Variants in NAA40 observed in about 807,000 individuals in gnomAD.
NAA40 encodes the protein N-alpha-acetyltransferase 40, NatD catalytic subunit.
NAA40 carries 26 observed loss-of-function variants against 36.6 expected under a neutral mutation model. That is an observed-to-expected ratio of 0.71 (90% CI 0.52 to 0.98). NAA40 has a LOEUF of 0.98. Ranked by LOEUF, NAA40 falls within the 50% of genes least tolerant of loss-of-function variation. The probability of loss-of-function intolerance (pLI) is 0.00; values close to 1 mark genes in which losing one functional copy is unlikely to be tolerated. For synonymous variants in NAA40, 129 were observed against 108.4 expected (o/e 1.19, Z -1.18); for missense variants, 237 against 306.5 (o/e 0.77, Z 1.69).
chr11:63,941,469 G>A (rs1942107737), intron 1 of NAA40, among the ~76,000 whole-genome samples: 1 of 152,196 alleles, frequency 6.6e-6, no homozygotes, highest in South Asian at 2.1e-4. Context: ...ATGGGGTAGA[G>A]ACATTGATAC....
intron 2 of NAA40, 155 bp downstream of exon 2, chr11:63,946,090 T>C: frequency 1.5e-6 from 1 of 664,698 alleles, no homozygotes; most frequent in Admixed American, 2.8e-5. Flanking sequence ...CTCATACCTG[T>C]GTGTTGGAAG....
Position 63,954,371 on chromosome 11 carries a change from C to T in NAA40, c.606C>T (p.Ser202=), listed in dbSNP as rs371989301. ...FEIDDSSPSM[S]GCCGEDCSYE... is the part of the protein sequence containing the mutation. ...TTGATGACTCTTCCCCCAGCATGTC[C>T]GGTTGCTGTGGGGAGGATTGCTCCT... Residue 202 remains serine, a synonymous_variant, in exon 8 of 8, where the codon TCC becomes TCT. Coordinates refer to ENST00000377793, the MANE Select transcript of NAA40 (RefSeq NM_024771.4). 51 of 1,607,376 alleles carry T rather than the reference C, an allele frequency of 3.2e-5. No homozygotes were observed. Among genetic ancestry groups the T allele is most frequent in the Middle Eastern group, 3.3e-4 (2 of 6,052 alleles).
In NAA40 at chr11:63,952,798, G is replaced by A; in HGVS notation, c.453G>A (p.Leu151=). 1 of 1,614,124 alleles carries A rather than the reference G, an allele frequency of 6.2e-7. No homozygotes were observed. Among genetic ancestry groups the A allele is most frequent in the Non-Finnish European group, 8.5e-7 (1 of 1,180,026 alleles). The change falls in exon 6 of 8, where the codon CTG becomes CTA. Residue 151 remains leucine (L), a synonymous_variant. Transcript: ENST00000377793. ...QLESKVRRKG[L]GKFLIQILQL... ...AAAGCAAGGTGCGGCGGAAAGGCCT[G>A]GGGAAGTTCCTCATACAGATCCTGC...
intron 2 of NAA40, chr11:63,946,585 CAG>C: frequency 2.4e-6 from 3 of 1,241,320 alleles, no homozygotes; most frequent in South Asian, 3.3e-5. Flanking sequence ...GGATGTGGCT[CAG>C]GGGCTTGATT....
intron 1 of NAA40, among the ~76,000 whole-genome samples, chr11:63,942,401 C>A (rs1218290431): frequency 6.6e-6 from 1 of 151,972 alleles, no homozygotes; most frequent in Non-Finnish European, 1.5e-5. Context: ...GTAGACATTG[C>A]GAGCCCCATT....
intron 2 of NAA40, chr11:63,946,706 T>G: frequency 3.3e-6 from 5 of 1,507,430 alleles, no homozygotes; most frequent in Non-Finnish European, 4.4e-6. Flanking sequence ...GCTAATGAGG[T>G]CTCCTCTTGC....
At chr11:63,946,784 T>A in intron 2 of NAA40, 167 bp from the exon 3 acceptor site, 1 of 1,543,012 alleles carries the variant, frequency 6.5e-7, no homozygotes. Flanking sequence ...CACATGTGAC[T>A]TCAGAGCTAG....
intron 1 of NAA40, among the ~76,000 whole-genome samples, chr11:63,939,899 A>G (rs1053569755): frequency 6.6e-6 from 1 of 152,036 alleles, no homozygotes. Context: ...CTGGAGGTGC[A>G]TTTTAGTTTA....
chr11:63,939,318 C>T (rs1942068380), intron 1 of NAA40: 2 of 1,263,256 alleles, frequency 1.6e-6, no homozygotes, highest in Non-Finnish European at 2.0e-6. Flanking sequence ...GGCCCCACCC[C>T]CTCGGCGCCC....
chr11:63,952,357 G>A (rs375827504), intron 4 of NAA40, 24 bp downstream of exon 4: 1 of 1,613,330 alleles, frequency 6.2e-7, no homozygotes, highest in Non-Finnish European at 8.5e-7. Flanking sequence ...AACCAGGGGA[G>A]CCTAGTTCCT....
chr11:63,946,364 CCACCA>C, intron 2 of NAA40: 1 of 268,236 alleles, frequency 3.7e-6, no homozygotes, highest in Non-Finnish European at 6.7e-6. Flanking sequence ...TAGGTGCCCA[CCACCA>C]CACCCGGGTA....
intron 3 of NAA40, among the ~76,000 whole-genome samples, chr11:63,950,354 G>C (rs1204894795): frequency 1.3e-5 from 2 of 150,620 alleles, no homozygotes; most frequent in Non-Finnish European, 3.0e-5. Flanking sequence ...CCTGACCTCA[G>C]GTGATCCACC....
At chr11:63,946,575 G>A in intron 2 of NAA40, 1 of 1,219,594 alleles carries the variant, frequency 8.2e-7, no homozygotes, top group Non-Finnish European at 1.0e-6. Context: ...TCATTTATAA[G>A]GATGTGGCTC....
At chr11:63,948,406 A>G (rs1008114048) in intron 3 of NAA40, among the ~76,000 whole-genome samples, 4 of 152,018 alleles carry the variant, frequency 2.6e-5, no homozygotes, top group Non-Finnish European at 1.5e-5. Context: ...CCCTGAACAA[A>G]TTACTTTTCT....
At chr11:63,949,752 T>TG (rs982772815) in intron 3 of NAA40, among the ~76,000 whole-genome samples, 2 of 149,672 alleles carry the variant, frequency 1.3e-5, no homozygotes, top group Non-Finnish European at 3.0e-5. Context: ...TGTTTTTTTT[T>TG]TTTTTTTTTT....
intron 1 of NAA40, among the ~76,000 whole-genome samples, chr11:63,940,613 C>T (rs937712649): frequency 6.6e-6 from 1 of 152,070 alleles, no homozygotes; most frequent in Admixed American, 6.6e-5. Context: ...TTGTCTGTAT[C>T]CTCAGCCTTA....
rs1942385158 is a variant in NAA40 at position 63,957,277 on chromosome 11, A to G, written c.*2798A>G. Reference sequence around the variant, plus strand: ...AAGGGAAAAAGTGATCTCTTCTTGCATTGGTTGTATTTGTATGTCACAAAT... The same window carrying G: ...AAGGGAAAAAGTGATCTCTTCTTGCGTTGGTTGTATTTGTATGTCACAAAT... On this transcript the variant is annotated 3_prime_UTR_variant, in exon 8 of 8. Transcript: ENST00000377793. 1 of 148,990 alleles carries G rather than the reference A, an allele frequency of 6.7e-6. No homozygotes were observed. The highest frequency in any genetic ancestry group is 1.5e-5 in the Non-Finnish European group (1 of 67,678). 9.2% of individuals were successfully genotyped at this position (148,990 alleles called of 1,614,324 possible).
rs1490675257 is a variant in NAA40 at position 63,956,217 on chromosome 11, TG to T, written c.*1741del. 2 of 152,742 alleles carry T rather than the reference TG, an allele frequency of 1.3e-5. No homozygotes were observed. The highest frequency in any genetic ancestry group is 3.8e-4 in the East Asian group (2 of 5,196). 9.5% of individuals were successfully genotyped at this position (152,742 alleles called of 1,614,324 possible). On this transcript the variant is annotated 3_prime_UTR_variant, in exon 8 of 8. Transcript: ENST00000377793. ...TCTGCCTCACCCTGCTGGCTCCTGGTGGGTTTCATCCCAGGCAGAGTTGACA... is the reference window on the plus strand; with the variant it reads ...TCTGCCTCACCCTGCTGGCTCCTGGTGGTTTCATCCCAGGCAGAGTTGACA...
At position 63,953,966 on chromosome 11, in the gene NAA40, T is replaced by C; in HGVS notation, c.495-6T>C. 1 of 1,613,846 alleles carries C rather than the reference T, an allele frequency of 6.2e-7. No homozygotes were observed. Among genetic ancestry groups the C allele is most frequent in the Non-Finnish European group, 8.5e-7 (1 of 1,179,838 alleles). ...TCTAAAAGGCGTTTGCTCTGCTTTC[T>C]TCCAGCACACAGATGAAGAAGGTTA... On this transcript the variant is annotated splice_region_variant and splice_polypyrimidine_tract_variant and intron_variant, in intron 6 of 7. Transcript: ENST00000377793.
Sources: allele counts gnomAD v4.1 joint callset (sites outside exome capture counted in the v4.1 genomes callset), GRCh38; gene constraint gnomAD v4.1.1; transcripts MANE v1.5; gene names NCBI Gene and HGNC (gene_info 2026-07-23, HGNC 2026-07-21).